The following MAN1C1 variants were observed in gnomAD, a reference collection of about 807,000 sequenced individuals.
MAN1C1 encodes mannosidase alpha class 1C member 1.
In MAN1C1, 49 loss-of-function variants were observed where a neutral mutation model predicts 71.5. That is an observed-to-expected ratio of 0.69 (90% CI 0.54 to 0.87). The LOEUF (loss-of-function observed/expected upper bound fraction) is 0.87, where lower values mean the gene tolerates loss of function less well. Ranked by LOEUF, MAN1C1 falls within the 40% of genes least tolerant of loss-of-function variation. The pLI, the probability that MAN1C1 is intolerant of heterozygous loss-of-function variation, is 0.00. For missense variants in MAN1C1, 743 were observed against 835.0 expected (o/e 0.89, Z 1.36); for synonymous variants, 352 against 343.7 (o/e 1.02, Z -0.27).
rs758725396 is a variant in MAN1C1, at chr1:25,769,913, T to A, written c.1142-1744T>A. 6.6e-6 allele frequency among the ~76,000 whole-genome samples: 1 copy of A among 151,070 alleles called. No homozygotes were observed. Among genetic ancestry groups the A allele is most frequent in the Non-Finnish European group, 1.5e-5 (1 of 67,652 alleles). Reference sequence around the variant, plus strand: ...TTTCACTTAATCCCCGTGGCCACCCTATGGGGAGGGACCGGGAGCAGGCTT... The same window carrying A: ...TTTCACTTAATCCCCGTGGCCACCCAATGGGGAGGGACCGGGAGCAGGCTT... On this transcript the variant is annotated intron_variant, in intron 7 of 11. Coordinates refer to ENST00000374332, the MANE Select transcript of MAN1C1 (RefSeq NM_020379.4). This position sits in a 1 kb window ranked among gnomAD's most constrained non-coding sequence, Gnocchi z 4.8.
chr1:25,685,568 G>A (rs2046218423), intron 1 of MAN1C1, among the ~76,000 whole-genome samples: 2 of 152,252 alleles, frequency 1.3e-5, no homozygotes, highest in African/African-American at 4.8e-5. Flanking sequence ...AGGTCCTGGG[G>A]CAGCTGGGGA....
chr1:25,743,114 G>A (rs2047083148), intron 2 of MAN1C1, among the ~76,000 whole-genome samples: 1 of 152,246 alleles, frequency 6.6e-6, no homozygotes, highest in Admixed American at 6.5e-5. Context: ...TGGTCCAGTG[G>A]TCTTAACCTC....
At chr1:25,622,830 A>G (rs556871741) in intron 1 of MAN1C1, among the ~76,000 whole-genome samples, 263 of 152,324 alleles carry the variant, frequency 1.7e-3, no homozygotes, top group Non-Finnish European at 2.1e-3. Context: ...TTTGCTCCCC[A>G]TTAACGGGCT....
intron 1 of MAN1C1, among the ~76,000 whole-genome samples, chr1:25,682,682 G>A (rs927316042): frequency 6.6e-6 from 1 of 152,156 alleles, no homozygotes; most frequent in African/African-American, 2.4e-5. Context: ...AGAACTTTGT[G>A]AAACTCCACA....
chr1:25,685,540 G>A (rs1572148838), intron 1 of MAN1C1, among the ~76,000 whole-genome samples: 1 of 152,248 alleles, frequency 6.6e-6, no homozygotes, highest in African/African-American at 2.4e-5. Context: ...CTGTGACCTT[G>A]CATCTGCTTC....
At chr1:25,662,071 C>T (rs1289822710) in intron 1 of MAN1C1, among the ~76,000 whole-genome samples, 3 of 152,150 alleles carry the variant, frequency 2.0e-5, no homozygotes, top group African/African-American at 7.2e-5. Flanking sequence ...AGTCAGCCTC[C>T]TCTCTCTCTG....
chr1:25,637,379 T>C (rs1349217925), intron 1 of MAN1C1, among the ~76,000 whole-genome samples: 1 of 152,162 alleles, frequency 6.6e-6, no homozygotes, highest in Non-Finnish European at 1.5e-5. Context: ...CAGATATCTT[T>C]TAATTATTGA....
At chr1:25,777,058 G>T (rs2124410993) in intron 8 of MAN1C1, among the ~76,000 whole-genome samples, 1 of 152,274 alleles carries the variant, frequency 6.6e-6, no homozygotes. Flanking sequence ...CATAGAATCA[G>T]GTCCACCCTC....
intron 6 of MAN1C1, chr1:25,759,991 T>C (rs913004437): frequency 6.6e-6 from 1 of 152,240 alleles, no homozygotes; most frequent in Non-Finnish European, 1.5e-5. Context: ...CCTCACTTCC[T>C]GGTAGCTCTT....
At chr1:25,627,687 C>T (rs1186130391) in intron 1 of MAN1C1, among the ~76,000 whole-genome samples, 1 of 152,058 alleles carries the variant, frequency 6.6e-6, no homozygotes, top group African/African-American at 2.4e-5. Context: ...CATTGTAGTT[C>T]CTTTGCATGT....
At chr1:25,665,080 A>G (rs1055656407) in intron 1 of MAN1C1, among the ~76,000 whole-genome samples, 5 of 152,226 alleles carry the variant, frequency 3.3e-5, no homozygotes, top group African/African-American at 4.8e-5. Flanking sequence ...CGGCCTGTGT[A>G]GAAACGGTTT....
At position 25,763,951 on chromosome 1, in the gene MAN1C1, T is replaced by C; in HGVS notation, c.1125T>C (p.Ser375=). Residue 375 remains serine, a synonymous_variant, in exon 7 of 12, where the codon AGT becomes AGC. Transcript: ENST00000374332. ...ACCCCAACTTCCTCAGCCCAGTGAG[T>C]GGGAACTGGGTGCAACGTGAGTACA... The part of the protein sequence containing the change: ...GLYPNFLSPV[S]GNWVQHHVSV... 7 of 1,613,480 alleles carry C rather than the reference T, an allele frequency of 4.3e-6. No homozygotes were observed. The highest frequency in any genetic ancestry group is 5.1e-6 in the Non-Finnish European group (6 of 1,179,732).
At chr1:25,737,369 C>G (rs1261298073) in intron 2 of MAN1C1, among the ~76,000 whole-genome samples, 1 of 152,130 alleles carries the variant, frequency 6.6e-6, no homozygotes. Flanking sequence ...TTAGTTCCAC[C>G]AGGGCCCTGA....
At position 25,617,567 on chromosome 1, in the gene MAN1C1, G is replaced by A; in HGVS notation, c.-231G>A. 2 of 348,018 alleles carry A rather than the reference G, an allele frequency of 5.7e-6. No individual in the cohort carries two copies. The highest frequency in any genetic ancestry group is 6.7e-5 in the East Asian group (1 of 14,990). The allele number at this position is 348,018 out of a possible 1,614,324, so 21.6% of individuals were successfully genotyped here. A position where few individuals can be genotyped will look rare whatever the true frequency, so the allele number is the denominator to read the frequency against. Reference sequence around the variant, plus strand: ...CCCGGGCCCCAAGCCGTGCCGCTCCGCTCGCCCGGGCCCCGCCGAGGCCGC... The same window carrying A: ...CCCGGGCCCCAAGCCGTGCCGCTCCACTCGCCCGGGCCCCGCCGAGGCCGC... On this transcript the variant is annotated 5_prime_UTR_variant, in exon 1 of 12. Transcript: ENST00000374332. The surrounding 1 kb of genome is among the most constrained non-coding windows in gnomAD (Gnocchi z 5.1).
intron 2 of MAN1C1, among the ~76,000 whole-genome samples, chr1:25,701,133 G>A (rs1316573229): frequency 6.6e-6 from 1 of 152,242 alleles, no homozygotes; most frequent in African/African-American, 2.4e-5. Flanking sequence ...TGGAGGAAGG[G>A]GCGGCAAAGG....
At chr1:25,743,410 A>AGCTGCCCCAGGGTG (rs1553192776) in intron 2 of MAN1C1, among the ~76,000 whole-genome samples, 1 of 152,104 alleles carries the variant, frequency 6.6e-6, no homozygotes, top group East Asian at 1.9e-4. Context: ...CCTCCTGGGG[A>AGCTGCCCCAGGGTG]GCTGCCCCAG....
intron 1 of MAN1C1, among the ~76,000 whole-genome samples, chr1:25,624,844 G>C (rs1169471499): frequency 6.6e-6 from 1 of 152,084 alleles, no homozygotes; most frequent in South Asian, 2.1e-4. Flanking sequence ...GTGCAATGCA[G>C]CGATGTCCTG....
chr1:25,713,081 C>T (rs1250448231), intron 2 of MAN1C1, among the ~76,000 whole-genome samples: 1 of 152,182 alleles, frequency 6.6e-6, no homozygotes. Flanking sequence ...TTGAGGCTGG[C>T]CAGAGTTAGG....
At position 25,677,109 on chromosome 1, in the gene MAN1C1, A is replaced by G. The variant is rs566433103; in HGVS notation, c.541-9331A>G. 3.3e-5 allele frequency among the ~76,000 whole-genome samples: 5 copies of G among 152,218 alleles called. No homozygotes were observed. In the South Asian group the frequency reaches 1.0e-3, roughly 32 times the overall value. On this transcript the variant is annotated intron_variant, in intron 1 of 11. Transcript: ENST00000374332. Reference sequence around the variant, plus strand: ...AAAGAAAATCTTAAACCAAATAATAATGTTCTGCCTCACACTAGTAAATAT... The same window carrying G: ...AAAGAAAATCTTAAACCAAATAATAGTGTTCTGCCTCACACTAGTAAATAT...
Sources: gnomAD v4.1 joint callset for allele counts (sites outside exome capture counted in the v4.1 genomes callset) on GRCh38, gnomAD v4.1.1 for gene constraint, Gnocchi (gnomAD v3.1) non-coding constraint, MANE v1.5 for transcripts, NCBI Gene and HGNC (gene_info 2026-07-23, HGNC 2026-07-21) for gene names.